The following KIAA1549 variants were observed in gnomAD, a reference collection of about 807,000 sequenced individuals.
KIAA1549 encodes KIAA1549, also known as UPF0606 protein KIAA1549.
KIAA1549 carries 70 observed loss-of-function variants against 156.4 expected under a neutral mutation model. The ratio of observed to expected loss-of-function variants is 0.45; its 90% CI spans 0.37 to 0.55. The LOEUF is 0.55. Ranked by LOEUF, KIAA1549 falls within the 20% of genes least tolerant of loss-of-function variation. The pLI is 0.00. For synonymous variants in KIAA1549, 1,103 were observed against 1,066.4 expected, an observed-to-expected ratio of 1.03 and a Z score of -0.67; for missense variants, 2,428 against 2,540.9, an observed-to-expected ratio of 0.96 and a Z score of 0.96.
intron 1 of KIAA1549, among the ~76,000 whole-genome samples, chr7:138,934,194 G>A (rs1052653055): frequency 1.3e-5 from 2 of 152,012 alleles, no homozygotes; most frequent in African/African-American, 2.4e-5. Context: ...AAGGACCAGC[G>A]AGGAGCCCAT....
At chr7:138,842,937 G>A (rs1809965974) in intron 18 of KIAA1549, among the ~76,000 whole-genome samples, 2 of 152,192 alleles carry the variant, frequency 1.3e-5, no homozygotes, top group East Asian at 1.9e-4. Context: ...ATCTTGGCAC[G>A]TCATTTTCCC....
Position 138,852,284 on chromosome 7 carries a change from A to G in KIAA1549, c.5248-15T>C, listed in dbSNP as rs1166967946. The G allele has an allele frequency of 5.1e-6, 8 of 1,579,968 alleles. No individual in the cohort carries two copies. The highest frequency in any genetic ancestry group is 6.1e-6 in the Non-Finnish European group (7 of 1,155,284). ...TCTTCGTATCTCTGGAAGACATACA[A>G]AAGAACATGAAGATTAATATTCAAT... On this transcript the variant is annotated splice_polypyrimidine_tract_variant and intron_variant, in intron 16 of 19. Coordinates refer to ENST00000422774, the MANE Select transcript of KIAA1549 (RefSeq NM_001164665.2).
chr7:138,907,206 G>A, intron 5 of KIAA1549, 104 bp from the exon 6 acceptor site: 3 of 978,148 alleles, frequency 3.1e-6, no homozygotes, highest in Non-Finnish European at 1.4e-6. Context: ...TTTTAAAGGA[G>A]GTAAAGTTTT....
At chr7:138,891,421 G>A (rs12154749) in intron 10 of KIAA1549, among the ~76,000 whole-genome samples, 15 of 152,312 alleles carry the variant, frequency 9.8e-5, no homozygotes, top group African/African-American at 3.4e-4. Context: ...AAGAGGATCC[G>A]GGCTGGAGTT....
At chr7:138,934,039 T>C (rs1208677530) in intron 1 of KIAA1549, among the ~76,000 whole-genome samples, 2 of 151,998 alleles carry the variant, frequency 1.3e-5, no homozygotes, top group Non-Finnish European at 2.9e-5. Flanking sequence ...CATCAGGAAG[T>C]AGTGTATGGG....
At chr7:138,905,369 T>TA (rs199686694) in intron 6 of KIAA1549, among the ~76,000 whole-genome samples, 1 of 152,202 alleles carries the variant, frequency 6.6e-6, no homozygotes, top group East Asian at 1.9e-4. Flanking sequence ...TCCACAGCAA[T>TA]CCATGTTCAC....
rs376537758 is a variant in KIAA1549 at position 138,896,594 on chromosome 7, G to GT, written c.3848-2069dup. 2.5e-3 allele frequency among the ~76,000 whole-genome samples: 353 copies of GT among 143,898 alleles called. 1 individual carries two copies. The highest frequency in any genetic ancestry group is 3.4e-3 in the African/African-American group (134 of 39,648). 94.4% of individuals were successfully genotyped at this position (143,898 alleles called of 152,430 possible). On this transcript the variant is annotated intron_variant, in intron 9 of 19. Transcript: ENST00000422774. Reference sequence around the variant, plus strand: ...TCTTAGTTCTTTTGTGGGTGTGGTTGTTTTTTTTTTTTCTTTTTGAGATAG... The same window carrying GT: ...TCTTAGTTCTTTTGTGGGTGTGGTTGTTTTTTTTTTTTTCTTTTTGAGATAG...
At position 138,916,899 on chromosome 7, in the gene KIAA1549, G is replaced by C. The variant is rs776428143; in HGVS notation, c.2727C>G (p.Pro909=). The part of the protein sequence containing the change: ...TLMGDAASQS[P]PESSAAPPLP... The stretch of plus-strand genomic sequence containing the variant: ...GGGGAGGAGCAGCACTACTCTCTGG[G>C]GGGCTCTGACTTGCGGCGTCACCCA... Residue 909 remains proline (P), a synonymous_variant, in exon 2 of 20, where the codon CCC becomes CCG. Coordinates refer to ENST00000422774, the MANE Select transcript of KIAA1549 (RefSeq NM_001164665.2). 4 of 1,613,614 alleles carry C rather than the reference G, an allele frequency of 2.5e-6. No individual in the cohort carries two copies. In the Admixed American group the frequency reaches 5.0e-5, roughly 20 times the overall value.
intron 1 of KIAA1549, among the ~76,000 whole-genome samples, chr7:138,975,006 C>T (rs1238932950): frequency 6.6e-6 from 1 of 152,018 alleles, no homozygotes; most frequent in Non-Finnish European, 1.5e-5. Flanking sequence ...TCCCAAACCT[C>T]AATTGTGCAT....
intron 1 of KIAA1549, among the ~76,000 whole-genome samples, chr7:138,925,925 T>C (rs997238472): frequency 6.7e-6 from 1 of 149,520 alleles, no homozygotes; most frequent in African/African-American, 2.5e-5. Context: ...CTAAAACTTA[T>C]GGGCAGGCAC....
chr7:138,833,343 CA>C lies in KIAA1549; in HGVS notation c.*4562del, dbSNP rs1449755165. On this transcript the variant is annotated 3_prime_UTR_variant, in exon 20 of 20. Transcript: ENST00000422774. ...TTTGTGAATTACTGCCAATGCACTGCAAATCAGTGTCCGAATGACTGGCTTG... is the reference window on the plus strand; with the variant it reads ...TTTGTGAATTACTGCCAATGCACTGCAATCAGTGTCCGAATGACTGGCTTG... 4.3e-6 allele frequency: 1 copy of C among 232,466 alleles called. No individual in the cohort carries two copies. The highest frequency in any genetic ancestry group is 8.5e-6 in the Non-Finnish European group (1 of 117,642). The allele number at this position is 232,466 out of a possible 1,614,324, so 14.4% of individuals were successfully genotyped here.
intron 10 of KIAA1549, among the ~76,000 whole-genome samples, chr7:138,888,493 G>T (rs905413173): frequency 6.6e-6 from 1 of 152,160 alleles, no homozygotes; most frequent in African/African-American, 2.4e-5. Flanking sequence ...GTACTTACTG[G>T]ATTTAGATCA....
At chr7:138,842,628 G>C (rs1041139074) in intron 18 of KIAA1549, among the ~76,000 whole-genome samples, 1 of 151,846 alleles carries the variant, frequency 6.6e-6, no homozygotes, top group South Asian at 2.1e-4. Context: ...AGGAGGCGGA[G>C]GTTGCAGTGC....
At chr7:138,937,983 T>C (rs1214404752) in intron 1 of KIAA1549, among the ~76,000 whole-genome samples, 2 of 152,162 alleles carry the variant, frequency 1.3e-5, no homozygotes, top group Non-Finnish European at 2.9e-5. Context: ...GGAATCATAC[T>C]GCTATAGTCT....
intron 17 of KIAA1549, among the ~76,000 whole-genome samples, chr7:138,849,252 A>G (rs1458619702): frequency 1.3e-5 from 2 of 151,854 alleles, no homozygotes; most frequent in Non-Finnish European, 2.9e-5. Context: ...TCATTAATTT[A>G]TATTATTATT....
chr7:138,869,796 G>T, intron 13 of KIAA1549, 35 bp from the exon 14 acceptor site: 1 of 1,516,518 alleles, frequency 6.6e-7, no homozygotes, highest in Admixed American at 1.8e-5. Context: ...GACAGCCATA[G>T]AGGTCCCGGG....
At chr7:138,890,139 C>T (rs1811506801) in intron 10 of KIAA1549, among the ~76,000 whole-genome samples, 1 of 152,174 alleles carries the variant, frequency 6.6e-6, no homozygotes, top group Non-Finnish European at 1.5e-5. Context: ...AGTGTCTGTG[C>T]CCCACCGGAA....
At chr7:138,893,322 T>TA (rs954344845) in intron 10 of KIAA1549, among the ~76,000 whole-genome samples, 11 of 151,810 alleles carry the variant, frequency 7.2e-5, no homozygotes, top group African/African-American at 2.2e-4. Flanking sequence ...GGGGAGGTAT[T>TA]AAAAAAATCG....
chr7:138,861,056 G>T, intron 16 of KIAA1549, 83 bp downstream of exon 16: 1 of 1,389,768 alleles, frequency 7.2e-7, no homozygotes, highest in Non-Finnish European at 1.0e-6. Flanking sequence ...CCACGGTTTT[G>T]TGCGGAGCCT....
Sources: gnomAD v4.1 joint callset for allele counts (sites outside exome capture counted in the v4.1 genomes callset) on GRCh38, gnomAD v4.1.1 for gene constraint, MANE v1.5 for transcripts, NCBI Gene and HGNC (gene_info 2026-07-23, HGNC 2026-07-21) for gene names.